The following DNAH6 variants were observed in gnomAD, a reference collection of about 807,000 sequenced individuals.
DNAH6 encodes dynein axonemal heavy chain 6, also known as axonemal beta dynein heavy chain 6.
Under a neutral mutation model 491.4 loss-of-function variants are expected in DNAH6, and 340 were observed. The observed-to-expected ratio is 0.69, with a 90% CI of 0.63 to 0.76. The LOEUF (loss-of-function observed/expected upper bound fraction) is 0.76. DNAH6 is among the 30% of genes least tolerant of loss of function. The probability of loss-of-function intolerance (pLI) is 0.00; values close to 1 mark genes in which losing one functional copy is unlikely to be tolerated. For synonymous variants in DNAH6, 1,603 were observed against 1,686.1 expected, an observed-to-expected ratio of 0.95 and a Z score of 1.21; for missense variants, 4,443 against 4,972.2, an observed-to-expected ratio of 0.89 and a Z score of 3.20.
intron 29 of DNAH6, among the ~76,000 whole-genome samples, chr2:84,627,860 C>T (rs1045203485): frequency 6.6e-6 from 1 of 152,060 alleles, no homozygotes; most frequent in African/African-American, 2.4e-5. Context: ...TTGCTAAACA[C>T]ATAAACACAC....
At chr2:84,585,971 C>G (rs999370737) in intron 15 of DNAH6, among the ~76,000 whole-genome samples, 1 of 152,184 alleles carries the variant, frequency 6.6e-6, no homozygotes, top group Non-Finnish European at 1.5e-5. Context: ...GGGGACCCAC[C>G]CCCTTCCATT....
intron 54 of DNAH6, among the ~76,000 whole-genome samples, chr2:84,708,531 AAG>A (rs916285402): frequency 2.0e-5 from 3 of 147,664 alleles, no homozygotes; most frequent in Non-Finnish European, 4.5e-5. Flanking sequence ...GAGAAAGAAA[AAG>A]AAAGAAGGAA....
Position 84,818,828 on chromosome 2 carries a change from C to T in DNAH6, c.12374-477C>T, listed in dbSNP as rs543759124. Reference sequence around the variant, plus strand: ...GTGGCTCATGCCTGTAATCCCAGCACTTTGGGAGGCCAAGGCAAGCGGATC... The same window carrying T: ...GTGGCTCATGCCTGTAATCCCAGCATTTTGGGAGGCCAAGGCAAGCGGATC... On this transcript the variant is annotated intron_variant, in intron 76 of 76. Transcript: ENST00000389394. Among the ~76,000 whole-genome samples the T allele has an allele frequency of 3.9e-5, 6 of 152,320 alleles. 1 individual carries two copies. The South Asian group carries it at 1.0e-3, about 26-fold the overall frequency.
intron 18 of DNAH6, among the ~76,000 whole-genome samples, chr2:84,597,765 A>T (rs1313116237): frequency 1.3e-5 from 2 of 152,214 alleles, no homozygotes; most frequent in Non-Finnish European, 2.9e-5. Flanking sequence ...TATATGATGG[A>T]GTTTTATTCA....
intron 64 of DNAH6, among the ~76,000 whole-genome samples, chr2:84,775,921 G>A (rs1478938001): frequency 6.6e-6 from 1 of 151,886 alleles, no homozygotes; most frequent in Non-Finnish European, 1.5e-5. Flanking sequence ...TGTTAATATA[G>A]TTAGTGGTCT....
intron 29 of DNAH6, among the ~76,000 whole-genome samples, chr2:84,627,565 G>A (rs10210247): frequency 0.19 from 29,322 of 152,074 alleles, 5,499 homozygotes; most frequent in African/African-American, 0.49. Context: ...CTTCCTCTCT[G>A]TCTGTGGCAG....
In DNAH6 at chr2:84,637,508, G is replaced by A. The variant is rs1177373531; in HGVS notation, c.4821+131G>A. ...GTTACACATTATTAAGTGTAGATAT[G>A]ATTGTTATCACATGGAATGTTAAGT... On this transcript the variant is annotated intron_variant, in intron 31 of 76. Coordinates refer to ENST00000389394, the MANE Select transcript of DNAH6 (RefSeq NM_001370.2). The A allele has an allele frequency of 1.1e-5, 11 of 1,039,550 alleles. No homozygotes were observed. In the Admixed American group the frequency reaches 3.5e-4, roughly 33 times the overall value. 64.4% of individuals were successfully genotyped at this position (1,039,550 alleles called of 1,614,324 possible). A position where few individuals can be genotyped will look rare whatever the true frequency, so the allele number is the denominator to read the frequency against.
In DNAH6 at chr2:84,591,791, C is replaced by T. The variant is rs555300270; in HGVS notation, c.2611-2181C>T. Reference sequence around the variant, plus strand: ...AGACCAATGAAACAGAATGGAAAACCGCAAAACAACAAATATGGTCAACGC... The same window carrying T: ...AGACCAATGAAACAGAATGGAAAACTGCAAAACAACAAATATGGTCAACGC... On this transcript the variant is annotated intron_variant, in intron 16 of 76. Transcript: ENST00000389394. 3.5e-4 allele frequency among the ~76,000 whole-genome samples: 54 copies of T among 152,150 alleles called. No individual in the cohort carries two copies. In the East Asian group the frequency reaches 9.1e-3, roughly 26 times the overall value.
intron 71 of DNAH6, among the ~76,000 whole-genome samples, chr2:84,806,560 A>G (rs2105320074): frequency 6.9e-6 from 1 of 143,924 alleles, no homozygotes; most frequent in East Asian, 2.1e-4. Flanking sequence ...CGGAGCTCGC[A>G]GTGAGCCGAG....
chr2:84,797,493 C>T (rs1188414351), intron 69 of DNAH6, 44 bp from the exon 70 acceptor site: 1 of 1,531,136 alleles, frequency 6.5e-7, no homozygotes, highest in Non-Finnish European at 8.8e-7. Flanking sequence ...AGTACAAAGC[C>T]AGTCTATTTG....
rs566807380 is a variant in DNAH6 at position 84,641,617 on chromosome 2, G to A, written c.4971-330G>A. Among the ~76,000 whole-genome samples the A allele has an allele frequency of 6.6e-5, 10 of 152,266 alleles. No individual in the cohort carries two copies. The South Asian group carries it at 2.1e-3, about 32-fold the overall frequency. On this transcript the variant is annotated intron_variant, in intron 32 of 76. Transcript: ENST00000389394. ...GGAAATAAGAGCAGGCAAAGAACAA[G>A]GCAAGATATTCTGGGCAGGGAGAAA...
rs1346898358 is a variant in DNAH6 at position 84,813,065 on chromosome 2, TC to T, written c.11934del (p.Arg3980GlufsTer19). Reference sequence around the variant, plus strand: ...AATATGTTTCTCCTTCAGCTGTGGCTCAAAAGAGGACAGCCTAAGTCCTACT... The same window carrying T: ...AATATGTTTCTCCTTCAGCTGTGGCTAAAAGAGGACAGCCTAAGTCCTACT... ...ILRTSFVDLWLKRGQPKSYWI... is the reference protein window; with the variant it reads ...ILRTSFVDLWXKRGQPKSYWI... On this transcript the variant is annotated frameshift_variant, in exon 74 of 77. Transcript: ENST00000389394. LOFTEE classifies it high-confidence loss of function. 6.4e-7 allele frequency: 1 copy of T among 1,551,306 alleles called. No homozygotes were observed. The highest frequency in any genetic ancestry group is 2.4e-5 in the East Asian group (1 of 40,920).
chr2:84,467,409 A>G, the DNAH6 span, among the ~76,000 whole-genome samples: 1,682 of 152,330 alleles, frequency 0.011, 29 homozygotes, highest in African/African-American at 0.039. Flanking sequence ...GAAAACCTTG[A>G]CAAGTTCAAG....
chr2:84,474,954 C>G, the DNAH6 span, among the ~76,000 whole-genome samples: 1 of 152,280 alleles, frequency 6.6e-6, no homozygotes, highest in African/African-American at 2.4e-5. Context: ...ACCAAAGCCT[C>G]CTGTTCTTTT....
chr2:84,528,634 T>C (rs544559712), intron 3 of DNAH6, among the ~76,000 whole-genome samples: 2 of 152,028 alleles, frequency 1.3e-5, no homozygotes, highest in East Asian at 3.9e-4. Flanking sequence ...TTTGATGTAA[T>C]AAACATTGAG....
intron 5 of DNAH6, among the ~76,000 whole-genome samples, chr2:84,545,845 A>AT (rs1011025344): frequency 1.1e-4 from 16 of 152,252 alleles, no homozygotes; most frequent in Non-Finnish European, 1.5e-4. Flanking sequence ...TCTTTTTATG[A>AT]TTTTTTTTAA....
chr2:84,462,107 C>G, the DNAH6 span, among the ~76,000 whole-genome samples: 1 of 152,230 alleles, frequency 6.6e-6, no homozygotes, highest in Non-Finnish European at 1.5e-5. Flanking sequence ...CTACATACCT[C>G]CCTCACAATT....
chr2:84,583,417 G>C (rs1179665581), intron 14 of DNAH6, among the ~76,000 whole-genome samples: 2 of 152,174 alleles, frequency 1.3e-5, no homozygotes, highest in African/African-American at 4.8e-5. Context: ...ATTTATAAGA[G>C]CTCAGCTCTG....
chr2:84,601,000 A>ATTAT (rs1425154098), intron 18 of DNAH6, among the ~76,000 whole-genome samples: 11 of 147,332 alleles, frequency 7.5e-5, no homozygotes, highest in African/African-American at 2.2e-4. Context: ...TAATAATAAT[A>ATTAT]TACTATAATA....
Sources: gnomAD v4.1 joint callset for allele counts (sites outside exome capture counted in the v4.1 genomes callset) on GRCh38, gnomAD v4.1.1 for gene constraint, MANE v1.5 for transcripts, NCBI Gene and HGNC (gene_info 2026-07-23, HGNC 2026-07-21) for gene names.